DMD: variants seen among roughly 807,000 people sequenced by gnomAD.
The protein encoded by DMD is dystrophin.
Under a neutral mutation model 330.1 loss-of-function variants are expected in DMD, and 63 were observed. The ratio of observed to expected loss-of-function variants is 0.19; its 90% confidence interval spans 0.16 to 0.24. DMD has a LOEUF of 0.24. Among genes scored for constraint, DMD ranks in the 10% least tolerant of loss-of-function variants. The pLI is 1.00. For synonymous variants in DMD, 1,223 were observed against 959.8 expected (o/e 1.27, Z -5.07); for missense variants, 3,344 against 2,684.1 (o/e 1.25, Z -5.43).
At chrX:32,288,958 G>T (rs1454252631) in intron 42 of DMD, among the ~76,000 whole-genome samples, 3 of 111,485 alleles carry the variant, frequency 2.7e-5, no homozygotes, top group African/African-American at 9.8e-5. Flanking sequence ...TAAAAACCTG[G>T]ATCAGTATTC....
At chrX:31,368,109 T>C (rs1015204400) in intron 60 of DMD, among the ~76,000 whole-genome samples, 2 of 111,368 alleles carry the variant, frequency 1.8e-5, no homozygotes, top group Non-Finnish European at 3.8e-5. Flanking sequence ...CCCTGAGCCT[T>C]TCAGCTTTCT....
chrX:32,076,064 AAAAAAAAAAAAAAAAAAAAAAAAGAG>A (rs1166559607), intron 44 of DMD, among the ~76,000 whole-genome samples: 5 of 90,069 alleles, frequency 5.6e-5, no homozygotes, highest in African/African-American at 1.7e-4. Context: ...AAAAAAAAAA[AAAAAAAAAAAAAAAAAAAAAAAAGAG>A]AGAGAGAGAG....
chrX:33,188,562 G>A (rs1242847924), intron 1 of DMD, among the ~76,000 whole-genome samples: 1 of 110,779 alleles, frequency 9.0e-6, no homozygotes, highest in Non-Finnish European at 1.9e-5. Context: ...GGAACCAGTC[G>A]GGTCACAGGA....
chrX:33,015,912 G>T (rs1014264190), intron 2 of DMD, among the ~76,000 whole-genome samples: 5 of 110,837 alleles, frequency 4.5e-5, no homozygotes, highest in African/African-American at 1.6e-4. Context: ...TCTCACTAAT[G>T]CAGGCCTCCA....
At chrX:32,314,847 C>G (rs917829683) in intron 41 of DMD, among the ~76,000 whole-genome samples, 1 of 111,777 alleles carries the variant, frequency 8.9e-6, no homozygotes, top group African/African-American at 3.3e-5. Context: ...GATAGCATCT[C>G]ACACCAGTTA....
intron 1 of DMD, among the ~76,000 whole-genome samples, chrX:33,067,288 A>C (rs1402826303): frequency 8.9e-6 from 1 of 112,336 alleles, no homozygotes; most frequent in Non-Finnish European, 1.9e-5. Context: ...CTGCAGACAC[A>C]AAGAGTGTGG....
intron 2 of DMD, among the ~76,000 whole-genome samples, chrX:32,941,988 G>T (rs186473181): frequency 1.8e-5 from 2 of 111,648 alleles, no homozygotes; most frequent in African/African-American, 6.5e-5. Flanking sequence ...AAACAAAACC[G>T]CAAACTACAA....
chrX:32,651,908 C>T (rs1348448895), intron 9 of DMD, among the ~76,000 whole-genome samples: 4 of 111,996 alleles, frequency 3.6e-5, no homozygotes, highest in Middle Eastern at 4.7e-3. Flanking sequence ...GTCCACCATT[C>T]GAACTCTGCG....
intron 55 of DMD, among the ~76,000 whole-genome samples, chrX:31,583,062 C>G (rs984418567): frequency 3.7e-4 from 41 of 112,284 alleles, no homozygotes; most frequent in African/African-American, 1.2e-3. Context: ...TATTTGACAA[C>G]TGCTTTAGCA....
rs886044628 is a variant in DMD at position 31,146,333 on chromosome X, T to C, written c.10879A>G (p.Met3627Val). Residue 3627 changes from methionine (M) to valine (V), a missense_variant, in exon 76 of 79, where the codon ATG becomes GTG. Coordinates refer to ENST00000357033, the MANE Select transcript of DMD (RefSeq NM_004006.3). ...TGACTGCCAACCACTCGGAGCAGCA[T>C]AGGCTGACTGCTGTCGGACCTCTGT... ...SLQRSDSSQP[M>V]LLRVVGSQTS... 4.1e-6 allele frequency: 5 copies of C among 1,210,973 alleles called. No individual in the cohort carries two copies. Among genetic ancestry groups the C allele is most frequent in the Middle Eastern group, 2.5e-4 (1 of 4,031 alleles).
At chrX:32,683,342 A>C (rs1345093546) in intron 9 of DMD, among the ~76,000 whole-genome samples, 1 of 110,589 alleles carries the variant, frequency 9.0e-6, no homozygotes, top group Non-Finnish European at 1.9e-5. Context: ...ATACATGTAC[A>C]CGTATGCTTA....
intron 1 of DMD, among the ~76,000 whole-genome samples, chrX:33,192,843 C>CAATA (rs1373977809): frequency 8.9e-6 from 1 of 111,838 alleles, no homozygotes; most frequent in Non-Finnish European, 1.9e-5. Flanking sequence ...TTTAGTTGGA[C>CAATA]AATACTCTTA....
At chrX:31,921,989 C>G (rs1023957234) in intron 47 of DMD, among the ~76,000 whole-genome samples, 1 of 111,849 alleles carries the variant, frequency 8.9e-6, no homozygotes, top group African/African-American at 3.3e-5. Flanking sequence ...TCATAACACC[C>G]ATAGCCCTTG....
At chrX:32,790,073 T>C (rs1303695372) in intron 7 of DMD, among the ~76,000 whole-genome samples, 2 of 111,834 alleles carry the variant, frequency 1.8e-5, no homozygotes, top group African/African-American at 6.5e-5. Context: ...CTCCACACGA[T>C]TGCCATAAGA....
At chrX:31,853,642 G>C (rs2093567826) in intron 48 of DMD, among the ~76,000 whole-genome samples, 1 of 110,984 alleles carries the variant, frequency 9.0e-6, no homozygotes. Flanking sequence ...CAACTTTCTA[G>C]CTCCCTTCTC....
intron 16 of DMD, among the ~76,000 whole-genome samples, chrX:32,564,109 C>A (rs2149085972): frequency 9.0e-6 from 1 of 111,194 alleles, no homozygotes; most frequent in East Asian, 2.8e-4. Flanking sequence ...TTTTTAGGTC[C>A]TTATCACAGC....
At chrX:31,222,622 G>A (rs1428150060) in intron 64 of DMD, among the ~76,000 whole-genome samples, 2 of 110,345 alleles carry the variant, frequency 1.8e-5, no homozygotes, top group African/African-American at 3.3e-5. Context: ...TCATCTGCAC[G>A]TTAGCATTCA....
intron 7 of DMD, among the ~76,000 whole-genome samples, chrX:32,709,063 T>C (rs2064944937): frequency 8.9e-6 from 1 of 112,064 alleles, no homozygotes; most frequent in Non-Finnish European, 1.9e-5. Context: ...CTTTAACCCA[T>C]TTTCAAATTA....
At chrX:32,731,753 C>A (rs1350214568) in intron 7 of DMD, among the ~76,000 whole-genome samples, 1 of 112,083 alleles carries the variant, frequency 8.9e-6, no homozygotes, top group East Asian at 2.8e-4. Context: ...ACACAAAAAA[C>A]CCATCTGGAC....
Sources: allele counts gnomAD v4.1 joint callset (sites outside exome capture counted in the v4.1 genomes callset), GRCh38; gene constraint gnomAD v4.1.1; transcripts MANE v1.5; gene names NCBI Gene and HGNC (gene_info 2026-07-23, HGNC 2026-07-21).